Variants in RABGAP1L observed in about 807,000 individuals in gnomAD.
The protein encoded by RABGAP1L is RAB GTPase activating protein 1 like, also known as rab GTPase-activating protein 1-like.
A neutral mutation model predicts 137.7 loss-of-function variants in RABGAP1L; 63 were observed. That is an observed-to-expected ratio of 0.46 (90% CI 0.37 to 0.56). The LOEUF (loss-of-function observed/expected upper bound fraction) is 0.56, where lower values mean the gene tolerates loss of function less well. Among genes scored for constraint, RABGAP1L ranks in the 20% least tolerant of loss-of-function variants. The pLI, the probability that RABGAP1L is intolerant of heterozygous loss-of-function variation, is 0.00. For missense variants in RABGAP1L, 1,095 were observed against 1,244.0 expected (o/e 0.88, Z 1.80); for synonymous variants, 431 against 433.7 (o/e 0.99, Z 0.08).
chr1:174,418,580 C>T (rs1221044455), intron 13 of RABGAP1L, among the ~76,000 whole-genome samples: 1 of 152,132 alleles, frequency 6.6e-6, no homozygotes, highest in Non-Finnish European at 1.5e-5. Flanking sequence ...CATGTCTTAC[C>T]TTAGTAATCT....
intron 19 of RABGAP1L, among the ~76,000 whole-genome samples, chr1:174,868,992 G>GA (rs34148746): frequency 0.014 from 2,036 of 145,540 alleles, 30 homozygotes; most frequent in African/African-American, 0.044. Context: ...AAGGAAATAC[G>GA]AAAAAAAAAA....
At position 174,490,757 on chromosome 1, in the gene RABGAP1L, G is replaced by T. The variant is rs549719775; in HGVS notation, c.1710+96612G>T. On this transcript the variant is annotated intron_variant, in intron 13 of 25. Transcript: ENST00000681986. Reference sequence around the variant, plus strand: ...TTCTAAATCTACCTGATGTTCCATTGTACTGTGCCTGAGCCTAAGCCACGA... The same window carrying T: ...TTCTAAATCTACCTGATGTTCCATTTTACTGTGCCTGAGCCTAAGCCACGA... 2.0e-5 allele frequency among the ~76,000 whole-genome samples: 3 copies of T among 152,108 alleles called. No individual in the cohort carries two copies. In the South Asian group the frequency reaches 6.2e-4, roughly 32 times the overall value.
At chr1:174,618,720 T>G (rs1314343189) in intron 13 of RABGAP1L, among the ~76,000 whole-genome samples, 2 of 152,150 alleles carry the variant, frequency 1.3e-5, no homozygotes, top group Non-Finnish European at 2.9e-5. Flanking sequence ...ATGGAAACTC[T>G]AAAAGTCAGA....
At chr1:174,982,322 CCCCT>C (rs1671213405) in intron 23 of RABGAP1L, among the ~76,000 whole-genome samples, 1 of 152,084 alleles carries the variant, frequency 6.6e-6, no homozygotes, top group African/African-American at 2.4e-5. Context: ...GTGTGATGTT[CCCCT>C]CCCTATGACC....
At chr1:174,452,884 T>C (rs1336638498) in intron 13 of RABGAP1L, among the ~76,000 whole-genome samples, 1 of 152,092 alleles carries the variant, frequency 6.6e-6, no homozygotes, top group African/African-American at 2.4e-5. Flanking sequence ...TTGTTATCTT[T>C]GTGGGTGCCA....
At chr1:174,386,180 A>G (rs752149100) in intron 12 of RABGAP1L, among the ~76,000 whole-genome samples, 3 of 152,218 alleles carry the variant, frequency 2.0e-5, no homozygotes, top group Non-Finnish European at 1.5e-5. Flanking sequence ...AATAACTGAC[A>G]GTTCAGTGTA....
At chr1:174,867,966 G>T (rs1416033825) in intron 19 of RABGAP1L, among the ~76,000 whole-genome samples, 2 of 151,762 alleles carry the variant, frequency 1.3e-5, no homozygotes, top group Non-Finnish European at 2.9e-5. Context: ...ACTTTAAATT[G>T]CTTAAACTCT....
chr1:174,288,024 G>C (rs1478273048), intron 10 of RABGAP1L, among the ~76,000 whole-genome samples: 3 of 151,754 alleles, frequency 2.0e-5, no homozygotes, highest in Non-Finnish European at 4.4e-5. Flanking sequence ...TTACCATGAG[G>C]CTTACATAAA....
At chr1:174,782,041 C>T (rs947056293) in intron 18 of RABGAP1L, among the ~76,000 whole-genome samples, 13 of 152,264 alleles carry the variant, frequency 8.5e-5, no homozygotes, top group South Asian at 2.1e-4. Context: ...ATTGACTTGG[C>T]GATGCGGGCT....
At chr1:174,254,909 C>G (rs761900846) in intron 7 of RABGAP1L, among the ~76,000 whole-genome samples, 1 of 152,182 alleles carries the variant, frequency 6.6e-6, no homozygotes, top group Non-Finnish European at 1.5e-5. Context: ...TGAGGAATCA[C>G]CACACTGTCT....
At chr1:174,250,752 T>A (rs1672647667) in intron 6 of RABGAP1L, 120 bp downstream of exon 6, 4 of 853,674 alleles carry the variant, frequency 4.7e-6, no homozygotes, top group South Asian at 5.0e-5. Flanking sequence ...AATATTTGGC[T>A]GGTGAATTAA....
chr1:174,433,416 C>T (rs1479829634), intron 13 of RABGAP1L, among the ~76,000 whole-genome samples: 8 of 152,146 alleles, frequency 5.3e-5, no homozygotes, highest in Non-Finnish European at 1.2e-4. Flanking sequence ...GAGACTTTCT[C>T]CCACTAAGAA....
At chr1:174,856,677 A>C (rs149633459) in intron 19 of RABGAP1L, among the ~76,000 whole-genome samples, 3,129 of 152,272 alleles carry the variant, frequency 0.021, 50 homozygotes, top group Middle Eastern at 0.082. Flanking sequence ...CTGTAATCCC[A>C]GCACTTTGGG....
chr1:174,748,592 C>G (rs534328042), intron 17 of RABGAP1L, among the ~76,000 whole-genome samples: 3 of 152,124 alleles, frequency 2.0e-5, no homozygotes, highest in African/African-American at 7.2e-5. Flanking sequence ...AATCCATGGC[C>G]GAGCACAGTG....
intron 18 of RABGAP1L, among the ~76,000 whole-genome samples, chr1:174,796,632 T>C (rs1053431139): frequency 6.6e-6 from 1 of 152,184 alleles, no homozygotes; most frequent in African/African-American, 2.4e-5. Flanking sequence ...CTGAAGTACA[T>C]GACCACTTGT....
chr1:174,474,421 A>G (rs1414422851), intron 13 of RABGAP1L, among the ~76,000 whole-genome samples: 2 of 152,094 alleles, frequency 1.3e-5, no homozygotes, highest in Non-Finnish European at 2.9e-5. Flanking sequence ...CCTTCTTACT[A>G]CCTCTCAAAA....
At position 174,656,332 on chromosome 1, in the gene RABGAP1L, C is replaced by A. The variant is rs560435870; in HGVS notation, c.1824+18844C>A. On this transcript the variant is annotated intron_variant, in intron 14 of 25. Transcript: ENST00000681986. Reference sequence around the variant, plus strand: ...AATTATCCAGGCATAGTGGTGGGTGCCTGTAATCCCAGCTATTTGGAAGGC... The same window carrying A: ...AATTATCCAGGCATAGTGGTGGGTGACTGTAATCCCAGCTATTTGGAAGGC... 2.6e-5 allele frequency among the ~76,000 whole-genome samples: 4 copies of A among 152,224 alleles called. No individual in the cohort carries two copies. The East Asian group carries it at 7.7e-4, about 29-fold the overall frequency.
intron 18 of RABGAP1L, among the ~76,000 whole-genome samples, chr1:174,780,087 TAAATA>T (rs1686841065): frequency 1.3e-5 from 2 of 149,208 alleles, no homozygotes; most frequent in Non-Finnish European, 3.0e-5. Context: ...AATAAATAAA[TAAATA>T]AATAAATAAA....
intron 19 of RABGAP1L, chr1:174,849,646 C>G: frequency 2.5e-6 from 1 of 396,890 alleles, no homozygotes; most frequent in Non-Finnish European, 4.9e-6. Context: ...GAGAAGTACA[C>G]TTAGGAATTT....
Sources: allele counts gnomAD v4.1 joint callset (sites outside exome capture counted in the v4.1 genomes callset), GRCh38; gene constraint gnomAD v4.1.1; transcripts MANE v1.5; gene names NCBI Gene and HGNC (gene_info 2026-07-23, HGNC 2026-07-21).